The following ENOX1 variants were observed in gnomAD, a reference collection of about 807,000 sequenced individuals.
ENOX1 encodes the protein ecto-NOX disulfide-thiol exchanger 1, also known as candidate growth-related and time keeping constitutive hydroquinone (NADH) oxidase.
Under a neutral mutation model 82.5 loss-of-function variants are expected in ENOX1, and 42 were observed. The ratio of observed to expected loss-of-function variants is 0.51; its 90% CI spans 0.40 to 0.66. The LOEUF (loss-of-function observed/expected upper bound fraction) is 0.66. Ranked by LOEUF, ENOX1 falls within the 30% of genes least tolerant of loss-of-function variation. The probability of loss-of-function intolerance (pLI) is 0.00; values close to 1 mark genes in which losing one functional copy is unlikely to be tolerated. For synonymous variants in ENOX1, 271 were observed against 282.2 expected (o/e 0.96, Z 0.40); for missense variants, 608 against 811.6 (o/e 0.75, Z 3.05).
chr13:43,345,183 CTGAG>C (rs758977817), intron 8 of ENOX1, among the ~76,000 whole-genome samples: 5 of 152,128 alleles, frequency 3.3e-5, no homozygotes, highest in Admixed American at 1.3e-4. Flanking sequence ...ATAGAATCAG[CTGAG>C]TTAGTATTAA....
chr13:43,441,657 T>C (rs1029232371), intron 3 of ENOX1, among the ~76,000 whole-genome samples: 1 of 151,612 alleles, frequency 6.6e-6, no homozygotes, highest in African/African-American at 2.4e-5. Flanking sequence ...AGAACCTACC[T>C]GCCCGAAGGC....
At chr13:43,381,007 T>C (rs78867243) in intron 5 of ENOX1, among the ~76,000 whole-genome samples, 3,202 of 151,874 alleles carry the variant, frequency 0.021, 42 homozygotes, top group Non-Finnish European at 0.032. Context: ...AACAAGTACA[T>C]AGAAAATCAG....
intron 15 of ENOX1, among the ~76,000 whole-genome samples, chr13:43,229,087 G>A (rs748407312): frequency 2.0e-5 from 3 of 152,166 alleles, no homozygotes; most frequent in Admixed American, 2.0e-4. Context: ...AATAAGTCTC[G>A]TGAGATCTGA....
At chr13:43,266,068 TTC>T (rs1388223815) in intron 13 of ENOX1, among the ~76,000 whole-genome samples, 1 of 152,206 alleles carries the variant, frequency 6.6e-6, no homozygotes, top group Non-Finnish European at 1.5e-5. Flanking sequence ...TTGAAAACAT[TTC>T]TCTTTCTCAG....
chr13:43,554,868 C>T (rs1365254528), intron 2 of ENOX1, among the ~76,000 whole-genome samples: 17 of 152,170 alleles, frequency 1.1e-4, no homozygotes, highest in Admixed American at 9.8e-4. Flanking sequence ...GTGTGAGCCA[C>T]GGTGCCTGGC....
At chr13:43,773,597 C>T (rs762027608) in intron 1 of ENOX1, among the ~76,000 whole-genome samples, 19 of 152,224 alleles carry the variant, frequency 1.2e-4, no homozygotes, top group Non-Finnish European at 2.4e-4. Flanking sequence ...TTGGGACTCT[C>T]ACCTGGATAA....
chr13:43,271,111 A>G (rs1333797551), intron 12 of ENOX1, among the ~76,000 whole-genome samples: 1 of 152,228 alleles, frequency 6.6e-6, no homozygotes, highest in East Asian at 1.9e-4. Context: ...TTCAAATCCA[A>G]TCCTTAAATC....
At chr13:43,466,971 T>G (rs1163540189) in intron 3 of ENOX1, among the ~76,000 whole-genome samples, 1 of 152,234 alleles carries the variant, frequency 6.6e-6, no homozygotes, top group Non-Finnish European at 1.5e-5. Flanking sequence ...ATTCTGATTT[T>G]AGGTTGAATA....
chr13:43,590,499 G>A (rs1240678599), intron 2 of ENOX1, among the ~76,000 whole-genome samples: 3 of 152,148 alleles, frequency 2.0e-5, no homozygotes, highest in African/African-American at 7.2e-5. Context: ...AATGGGCCGG[G>A]TGTGGTGGCT....
At position 43,711,986 on chromosome 13, in the gene ENOX1, A is replaced by G. The variant is rs1469075735; in HGVS notation, c.-284-44442T>C. Among the ~76,000 whole-genome samples, 5 of 148,426 alleles carry G rather than the reference A, an allele frequency of 3.4e-5. No homozygotes were observed. In the East Asian group the frequency reaches 1.0e-3, roughly 30 times the overall value. ...ATTGCTTTTGGTGTTTTAGACACGA[A>G]GTCCTTGCCCATGCCTATGTCCTGA... On this transcript the variant is annotated intron_variant, in intron 1 of 16. Transcript: ENST00000690772.
intron 2 of ENOX1, among the ~76,000 whole-genome samples, chr13:43,572,750 T>C (rs1464884469): frequency 1.3e-5 from 2 of 152,240 alleles, no homozygotes; most frequent in East Asian, 1.9e-4. Flanking sequence ...ATGTGTTCCA[T>C]TGTGGCAATT....
intron 3 of ENOX1, among the ~76,000 whole-genome samples, chr13:43,483,185 C>T (rs972101286): frequency 6.6e-6 from 1 of 152,180 alleles, no homozygotes; most frequent in African/African-American, 2.4e-5. Context: ...TACTGTGTTC[C>T]TTCTCCTTTG....
intron 10 of ENOX1, among the ~76,000 whole-genome samples, chr13:43,324,394 C>T (rs1230233619): frequency 6.6e-6 from 1 of 152,056 alleles, no homozygotes; most frequent in Non-Finnish European, 1.5e-5. Context: ...CACAGGGTGC[C>T]TCTGGTTCAG....
At chr13:43,660,481 A>G (rs1246370590) in intron 2 of ENOX1, among the ~76,000 whole-genome samples, 1 of 152,256 alleles carries the variant, frequency 6.6e-6, no homozygotes, top group Non-Finnish European at 1.5e-5. Context: ...TTCAAGAGGA[A>G]CAGGAAATAG....
chr13:43,345,845 T>C (rs1215918492), intron 8 of ENOX1, among the ~76,000 whole-genome samples: 2 of 152,124 alleles, frequency 1.3e-5, no homozygotes, highest in Non-Finnish European at 2.9e-5. Flanking sequence ...CAAAATTAGA[T>C]TGAAAGATTC....
intron 5 of ENOX1, among the ~76,000 whole-genome samples, chr13:43,376,394 T>G (rs141336619): frequency 1.6e-4 from 24 of 152,310 alleles, no homozygotes; most frequent in African/African-American, 5.8e-4. Context: ...TTTCTTGATG[T>G]CTTGAACAAA....
At chr13:43,774,896 C>T (rs925854332) in intron 1 of ENOX1, among the ~76,000 whole-genome samples, 1 of 152,084 alleles carries the variant, frequency 6.6e-6, no homozygotes, top group African/African-American at 2.4e-5. Flanking sequence ...GGCACCCAGA[C>T]TGGAGTGCAA....
chr13:43,261,810 A>G (rs1459023756), intron 14 of ENOX1, among the ~76,000 whole-genome samples: 1 of 126,676 alleles, frequency 7.9e-6, no homozygotes, highest in East Asian at 2.5e-4. Flanking sequence ...GGACACAGGA[A>G]GGGGAATATC....
At chr13:43,224,238 G>A in intron 15 of ENOX1, 100 bp from the exon 16 acceptor site, 1 of 938,268 alleles carries the variant, frequency 1.1e-6, no homozygotes, top group Middle Eastern at 2.2e-4. Flanking sequence ...GTCAGGCTGA[G>A]TTATGGTCTT....
Sources: allele counts gnomAD v4.1 joint callset (sites outside exome capture counted in the v4.1 genomes callset), GRCh38; gene constraint gnomAD v4.1.1; transcripts MANE v1.5; gene names NCBI Gene and HGNC (gene_info 2026-07-23, HGNC 2026-07-21).